ALDH1L2: variants seen among roughly 807,000 people sequenced by gnomAD.
The protein encoded by ALDH1L2 is mitochondrial 10-formyltetrahydrofolate dehydrogenase.
A neutral mutation model predicts 111.0 loss-of-function variants in ALDH1L2; 91 were observed. The ratio of observed to expected loss-of-function variants is 0.82; its 90% CI spans 0.69 to 0.98. The LOEUF is 0.98. Among genes scored for constraint, ALDH1L2 ranks in the 50% least tolerant of loss-of-function variants. ALDH1L2 has a pLI of 0.00. For synonymous variants in ALDH1L2, 374 were observed against 392.6 expected, an observed-to-expected ratio of 0.95 and a Z score of 0.56; for missense variants, 995 against 1,126.8, an observed-to-expected ratio of 0.88 and a Z score of 1.67.
chr12:105,079,201 A>C (rs1363017233), intron 1 of ALDH1L2, among the ~76,000 whole-genome samples: 1 of 152,010 alleles, frequency 6.6e-6, no homozygotes, highest in East Asian at 1.9e-4. Flanking sequence ...GCATAGTCAC[A>C]GGATATAGTC....
chr12:105,066,959 T>G (rs1180996238), intron 4 of ALDH1L2, among the ~76,000 whole-genome samples: 1 of 152,046 alleles, frequency 6.6e-6, no homozygotes, highest in Admixed American at 6.6e-5. Flanking sequence ...CCGGGCGCAG[T>G]GGCTCACGCC....
At chr12:105,032,395 C>G (rs1444590887) in intron 19 of ALDH1L2, among the ~76,000 whole-genome samples, 1 of 151,948 alleles carries the variant, frequency 6.6e-6, no homozygotes, top group Non-Finnish European at 1.5e-5. Flanking sequence ...TCTGCCACCA[C>G]GCTCGGCTAA....
In ALDH1L2 at chr12:105,058,215, A is replaced by T. The variant is rs756248220; in HGVS notation, c.1145T>A (p.Val382Asp). 6.2e-7 allele frequency: 1 copy of T among 1,605,382 alleles called. No homozygotes were observed. The highest frequency in any genetic ancestry group is 1.7e-5 in the Admixed American group (1 of 57,606). ...GASSMDVARLVEEIRQKCGGL... is the reference protein window; with the variant it reads ...GASSMDVARLDEEIRQKCGGL... ...ACCACATTTCTGTCTGATCTCTTCA[A>T]CCAGCCTTAAAGTAAAAACCAGCTT... The change falls in exon 10 of 23, where the codon GTT (valine) becomes GAT (aspartate). Residue 382 changes from valine (V) to aspartate (D), a missense_variant. By Grantham distance (152) the Val-to-Asp change is radical (BLOSUM62 -3). Transcript: ENST00000258494.
Position 105,052,094 on chromosome 12 carries a change from A to T in ALDH1L2, c.1531T>A (p.Tyr511Asn), listed in dbSNP as rs1186901438. The T allele has an allele frequency of 6.3e-7, 1 of 1,599,998 alleles. No homozygotes were observed. The highest frequency in any genetic ancestry group is 8.5e-7 in the Non-Finnish European group (1 of 1,174,864). ...MNARERGRLMYRLADLLEENQ... is the reference protein window; with the variant it reads ...MNARERGRLMNRLADLLEENQ... ...AAAAATAAAAAATAGAAATACCTAT[A>T]CATCAATCTTCCTCTTTCTCTTGCA... Residue 511 changes from tyrosine (Y) to asparagine (N), a missense_variant, in exon 12 of 23, where the codon TAT becomes AAT. Coordinates refer to ENST00000258494, the MANE Select transcript of ALDH1L2 (RefSeq NM_001034173.4).
chr12:105,058,925 A>T (rs1876806912), intron 9 of ALDH1L2, among the ~76,000 whole-genome samples: 1 of 152,132 alleles, frequency 6.6e-6, no homozygotes, highest in South Asian at 2.1e-4. Context: ...TCAAACAGAA[A>T]ATGAGTAATT....
At chr12:105,027,048 ATT>A (rs1474195176) in intron 21 of ALDH1L2, among the ~76,000 whole-genome samples, 1 of 152,110 alleles carries the variant, frequency 6.6e-6, no homozygotes, top group East Asian at 1.9e-4. Context: ...TTTTAAAAAA[ATT>A]TTTTTGTAGA....
At chr12:105,071,804 C>T (rs959301461) in intron 2 of ALDH1L2, among the ~76,000 whole-genome samples, 1 of 150,128 alleles carries the variant, frequency 6.7e-6, no homozygotes. Context: ...TTTAAAAAAT[C>T]GGTCAGGCAC....
intron 6 of ALDH1L2, among the ~76,000 whole-genome samples, chr12:105,063,487 A>AG (rs945487108): frequency 4.0e-5 from 6 of 151,790 alleles, no homozygotes; most frequent in South Asian, 2.1e-4. Flanking sequence ...AAGAAAAAAA[A>AG]AAAGAAAGAA....
At chr12:105,075,921 G>A (rs1442049325) in intron 1 of ALDH1L2, among the ~76,000 whole-genome samples, 1 of 152,132 alleles carries the variant, frequency 6.6e-6, no homozygotes, top group Non-Finnish European at 1.5e-5. Context: ...TAGTAGCTGG[G>A]ATTACAGGCA....
At chr12:105,052,724 GGGCTTCTTAA>G in intron 11 of ALDH1L2, 78 bp downstream of exon 11, 2 of 1,513,124 alleles carry the variant, frequency 1.3e-6, no homozygotes, top group Non-Finnish European at 1.8e-6. Flanking sequence ...GAGAATAAAA[GGGCTTCTTAA>G]GACTGCCTCT....
chr12:105,075,341 T>G (rs1468115611), intron 1 of ALDH1L2, among the ~76,000 whole-genome samples: 3 of 152,168 alleles, frequency 2.0e-5, no homozygotes, highest in African/African-American at 7.2e-5. Context: ...TCCCAGCACT[T>G]TGGGAGGCTG....
intron 2 of ALDH1L2, among the ~76,000 whole-genome samples, chr12:105,071,631 T>TTTTC (rs1877708166): frequency 6.1e-5 from 1 of 16,280 alleles, no homozygotes; most frequent in African/African-American, 2.6e-4. Flanking sequence ...TATATATATA[T>TTTTC]ATATATATAT....
intron 4 of ALDH1L2, among the ~76,000 whole-genome samples, chr12:105,067,417 A>G (rs981688790): frequency 1.3e-5 from 2 of 152,096 alleles, no homozygotes; most frequent in African/African-American, 4.8e-5. Context: ...AATGATAGGA[A>G]TATAATGATA....
chr12:105,073,695 C>T (rs752084917), intron 2 of ALDH1L2, 166 bp downstream of exon 2: 11 of 912,578 alleles, frequency 1.2e-5, no homozygotes, highest in Non-Finnish European at 1.8e-5. Context: ...ATGGATTATG[C>T]CCTTAATAAA....
chr12:105,065,195 A>C, intron 6 of ALDH1L2, 72 bp downstream of exon 6: 1 of 898,860 alleles, frequency 1.1e-6, no homozygotes, highest in Non-Finnish European at 1.7e-6. Context: ...GGAAGCCCAG[A>C]TTTATCTGTA....
At chr12:105,077,571 G>T (rs1409649725) in intron 1 of ALDH1L2, among the ~76,000 whole-genome samples, 1 of 151,682 alleles carries the variant, frequency 6.6e-6, no homozygotes, top group Non-Finnish European at 1.5e-5. Context: ...GAGCCACCAC[G>T]CCCGACCTTG....
intron 2 of ALDH1L2, chr12:105,072,345 T>C (rs1294859762): frequency 2.0e-5 from 3 of 151,736 alleles, no homozygotes; most frequent in African/African-American, 7.3e-5. Context: ...CCCTTTCCTT[T>C]TTCCTAGATC....
intron 1 of ALDH1L2, among the ~76,000 whole-genome samples, chr12:105,075,458 A>T (rs559284612): frequency 6.6e-6 from 1 of 152,252 alleles, no homozygotes; most frequent in South Asian, 2.1e-4. Flanking sequence ...GGTGGCAGGC[A>T]TCTGTAATCC....
At chr12:105,030,225 A>G (rs1015588776) in intron 21 of ALDH1L2, 99 bp downstream of exon 21, 15 of 667,216 alleles carry the variant, frequency 2.2e-5, no homozygotes, top group African/African-American at 9.4e-5. Flanking sequence ...AGAAAATTAC[A>G]TGTTCATTAA....
Sources: gnomAD v4.1 joint callset for allele counts (sites outside exome capture counted in the v4.1 genomes callset) on GRCh38, gnomAD v4.1.1 for gene constraint, MANE v1.5 for transcripts, NCBI Gene and HGNC (gene_info 2026-07-23, HGNC 2026-07-21) for gene names.